ZNF814: variants seen among roughly 807,000 people sequenced by gnomAD.
ZNF814 encodes the protein zinc finger protein 814.
A neutral mutation model predicts 7.5 loss-of-function variants in ZNF814; 5 were observed. That is an observed-to-expected ratio of 0.67 (90% CI 0.35 to 1.40). The LOEUF (loss-of-function observed/expected upper bound fraction) is 1.40. ZNF814 is among the 40% of genes most tolerant of loss of function. The pLI is 0.04. For missense variants in ZNF814, 962 were observed against 1,018.0 expected, an observed-to-expected ratio of 0.94 and a Z score of 0.75; for synonymous variants, 315 against 340.7, an observed-to-expected ratio of 0.92 and a Z score of 0.83.
rs764027399 is a variant in ZNF814, at chr19:57,874,966, G to C, written c.424C>G (p.His142Asp). 2 of 1,612,608 alleles carry C rather than the reference G, an allele frequency of 1.2e-6. No homozygotes were observed. The highest frequency in any genetic ancestry group is 1.7e-5 in the Admixed American group (1 of 59,934). The change falls in exon 3 of 3, where the codon CAC becomes GAC. Residue 142 changes from histidine (H) to aspartate (D), a missense_variant. Coordinates refer to ENST00000435989, the MANE Select transcript of ZNF814 (RefSeq NM_001144989.2). ...SGNFHQHQNE[H>D]IGEKPYRGSV... ...CCTCTGTAGGGTTTCTCTCCAATGT[G>C]CTCATTCTGGTGCTGATGAAAGTTT... is the stretch of plus-strand genomic sequence containing the variant.
In ZNF814 at chr19:57,874,646, C is replaced by G. The variant is rs766122163; in HGVS notation, c.744G>C (p.Gly248=). Residue 248 remains glycine, a synonymous_variant, in exon 3 of 3, where the codon GGG becomes GGC. Coordinates refer to ENST00000435989, the MANE Select transcript of ZNF814 (RefSeq NM_001144989.2). ...AGCTAGCATATTTGCTAAAGGACTT[C>G]CCACATTCACAGCACACATAACACT... ...REECYVCCEC[G]KSFSKYASLS... is the part of the protein sequence containing the mutation. The G allele has an allele frequency of 1.4e-5, 22 of 1,555,752 alleles. No homozygotes were observed. Among genetic ancestry groups the G allele is most frequent in the Non-Finnish European group, 1.9e-5 (22 of 1,148,884 alleles).
upstream of ZNF814, among the ~76,000 whole-genome samples, chr19:57,893,421 G>A (rs1441984683): frequency 1.3e-5 from 2 of 151,596 alleles, no homozygotes; most frequent in Non-Finnish European, 2.9e-5. Flanking sequence ...TGATCTGCCC[G>A]CCTGGGCCCC....
Position 57,873,065 on chromosome 19 carries a change from A to C in ZNF814, c.2325T>G (p.Ser775Arg), listed in dbSNP as rs779007795. ...IHTGEKPYECSECGKSFAESS... is the reference protein window; with the variant it reads ...IHTGEKPYECRECGKSFAESS... ...TTTCAGCGAAAGATTTTCCACATTC[A>C]CTGCACTCATAAGGCTTTTCTCCAG... Residue 775 changes from serine (S) to arginine (R), a missense_variant, in exon 3 of 3, where the codon AGT becomes AGG. Ser to Arg is a moderately radical substitution (Grantham distance 110). This residue lies in a region of ZNF814 where 665 missense variants were observed against 551.4 expected (regional missense o/e 1.21). Transcript: ENST00000435989. 3.8e-5 allele frequency: 62 copies of C among 1,613,376 alleles called. No homozygotes were observed. Among genetic ancestry groups the C allele is most frequent in the Admixed American group, 6.7e-5 (4 of 59,942 alleles).
Position 57,886,744 on chromosome 19 carries a change from G to C in ZNF814, c.36+2023C>G, listed in dbSNP as rs1223659794. Among the ~76,000 whole-genome samples the C allele has an allele frequency of 2.0e-5, 3 of 152,136 alleles. No individual in the cohort carries two copies. The East Asian group carries it at 5.8e-4, about 29-fold the overall frequency. On this transcript the variant is annotated intron_variant, in intron 1 of 2. Transcript: ENST00000435989. ...AAATACAAAAAATTAGCCAGGTGTG[G>C]TGGCGGGTGCCTGTAATCCCAGCTA...
Position 57,883,489 on chromosome 19 carries a change from C to T in ZNF814, c.36+5278G>A, listed in dbSNP as rs576232909. On this transcript the variant is annotated intron_variant, in intron 1 of 2. Coordinates refer to ENST00000435989, the MANE Select transcript of ZNF814 (RefSeq NM_001144989.2). The stretch of plus-strand genomic sequence containing the variant: ...TATTCTGGCCAATATAGTGGAACCC[C>T]GTTTCTACTAAAAATACAAAAATTA... Among the ~76,000 whole-genome samples, 10 of 151,660 alleles carry T rather than the reference C, an allele frequency of 6.6e-5. No homozygotes were observed. In the South Asian group the frequency reaches 1.5e-3, roughly 22 times the overall value.
chr19:57,898,930 ACT>A, the ZNF814 span, among the ~76,000 whole-genome samples: 1 of 142,796 alleles, frequency 7.0e-6, no homozygotes, highest in Non-Finnish European at 1.5e-5. Flanking sequence ...ACAGGGCCAG[ACT>A]CTGTCTCAAA....
At chr19:57,890,178 G>C (rs1446785055), upstream of ZNF814, among the ~76,000 whole-genome samples, 3 of 152,172 alleles carry the variant, frequency 2.0e-5, no homozygotes, top group Non-Finnish European at 4.4e-5. Context: ...AACACCCAGA[G>C]GGTTCATTTT....
At chr19:57,897,146 A>C in the ZNF814 span, among the ~76,000 whole-genome samples, 2 of 152,188 alleles carry the variant, frequency 1.3e-5, no homozygotes, top group African/African-American at 4.8e-5. Context: ...ATAACTGACA[A>C]AACAGCTCAA....
At chr19:57,904,427 T>C in the ZNF814 span, among the ~76,000 whole-genome samples, 2 of 152,162 alleles carry the variant, frequency 1.3e-5, no homozygotes, top group African/African-American at 4.8e-5. Context: ...CCAGACTTCA[T>C]AGCCCCAGTG....
chr19:57,877,105 T>C, intron 1 of ZNF814, 63 bp from the exon 2 acceptor site: 1 of 1,594,536 alleles, frequency 6.3e-7, no homozygotes. Context: ...ACAATCCATC[T>C]CTCCCACACA....
rs57591690 is a variant in ZNF814, at chr19:57,869,942, CAAAAA to C, written c.*2875_*2879del. ...CCTGGCTGACAGTGAGACTCTGTCT[CAAAAA>C]AAAAAAAAAAAGGTTGGGCACGGTG... On this transcript the variant is annotated 3_prime_UTR_variant, in exon 3 of 3. Transcript: ENST00000435989. The C allele has an allele frequency of 2.3e-4, 31 of 133,366 alleles. No individual in the cohort carries two copies. Among genetic ancestry groups the C allele is most frequent in the Non-Finnish European group, 2.8e-4 (18 of 63,886 alleles). The allele number at this position is 133,366 out of a possible 1,614,324, so 8.3% of individuals were successfully genotyped here. A position where few individuals can be genotyped will look rare whatever the true frequency, so the allele number is the denominator to read the frequency against.
At chr19:57,898,481 C>T in the ZNF814 span, among the ~76,000 whole-genome samples, 1 of 152,194 alleles carries the variant, frequency 6.6e-6, no homozygotes, top group Admixed American at 6.5e-5. Flanking sequence ...ATTGCTGAGC[C>T]TCCAGCTCCC....
upstream of ZNF814, among the ~76,000 whole-genome samples, chr19:57,892,156 C>T (rs558333747): frequency 2.0e-5 from 3 of 152,302 alleles, no homozygotes; most frequent in African/African-American, 7.2e-5. Flanking sequence ...GTTCTCAGGA[C>T]CTCTTGAGGG....
chr19:57,875,943 CTTTTTTTTTTTTTTTTTTTTT>C (rs567660556), intron 2 of ZNF814, among the ~76,000 whole-genome samples: 9 of 71,380 alleles, frequency 1.3e-4, no homozygotes, highest in African/African-American at 4.6e-4. Context: ...CAGGGTGCCG[CTTTTTTTTTTTTTTTTTTTTT>C]TTTTTTTTTT....
At chr19:57,897,514 T>G in the ZNF814 span, among the ~76,000 whole-genome samples, 4 of 152,232 alleles carry the variant, frequency 2.6e-5, no homozygotes, top group Non-Finnish European at 5.9e-5. Context: ...ATTCTAAATT[T>G]AGTAAAGATG....
chr19:57,883,250 C>T (rs1292054589), intron 1 of ZNF814, among the ~76,000 whole-genome samples: 10 of 151,562 alleles, frequency 6.6e-5, no homozygotes, highest in East Asian at 5.8e-4. Flanking sequence ...CCCAGCTACA[C>T]GGGAGGCTGA....
chr19:57,883,640 G>A (rs2071666523), intron 1 of ZNF814, among the ~76,000 whole-genome samples: 1 of 141,918 alleles, frequency 7.0e-6, no homozygotes, highest in Admixed American at 7.1e-5. Context: ...CAGCCTGGGT[G>A]ACAGAGAGAG....
At position 57,874,734 on chromosome 19, in the gene ZNF814, G is replaced by C. The variant is rs748079041; in HGVS notation, c.656C>G (p.Ser219Cys). 9 of 1,607,592 alleles carry C rather than the reference G, an allele frequency of 5.6e-6. No individual in the cohort carries two copies. Among genetic ancestry groups the C allele is most frequent in the South Asian group, 5.5e-5 (5 of 90,440 alleles). The stretch of plus-strand genomic sequence containing the variant: ...ATGTTTGGTGCTAAAATGTTTCATG[G>C]ATTCTCCACAGCTGTAGTGAGCTCC... ...CGGAHYSCGE[S>C]MKHFSTKHIL... Residue 219 changes from serine to cysteine, a missense_variant, in exon 3 of 3, where the codon TCC becomes TGC. By Grantham distance (112) the Ser-to-Cys change is moderately radical (BLOSUM62 -1). Coordinates refer to ENST00000435989, the MANE Select transcript of ZNF814 (RefSeq NM_001144989.2).
the ZNF814 span, among the ~76,000 whole-genome samples, chr19:57,901,915 C>T: frequency 3.7e-3 from 559 of 152,224 alleles, 3 homozygotes; most frequent in Middle Eastern, 0.01. Flanking sequence ...GACAGAACCT[C>T]GATGCCTGAG....
Sources: gnomAD v4.1 joint callset for allele counts (sites outside exome capture counted in the v4.1 genomes callset) on GRCh38, gnomAD v4.1.1 for gene constraint, gnomAD v4.1.1 regional missense constraint, MANE v1.5 for transcripts, NCBI Gene and HGNC (gene_info 2026-07-23, HGNC 2026-07-21) for gene names.